MALRD1: variants seen among roughly 807,000 people sequenced by gnomAD.
MALRD1 encodes the protein MAM and LDL-receptor class A domain-containing protein 1.
MALRD1 carries 247 observed loss-of-function variants against 242.1 expected under a neutral mutation model. The observed-to-expected ratio is 1.02, with a 90% CI of 0.92 to 1.13. The LOEUF is 1.13. MALRD1 is among the 50% of genes most tolerant of loss of function. The pLI, the probability that MALRD1 is intolerant of heterozygous loss-of-function variation, is 0.00. For synonymous variants in MALRD1, 995 were observed against 866.6 expected (o/e 1.15, Z -2.60); for missense variants, 2,989 against 2,533.1 (o/e 1.18, Z -3.86).
intron 5 of MALRD1, among the ~76,000 whole-genome samples, chr10:19,122,317 T>C (rs1270518376): frequency 6.6e-6 from 1 of 152,156 alleles, no homozygotes; most frequent in Non-Finnish European, 1.5e-5. Context: ...CCACTTGAAA[T>C]GAAGACAAGG....
chr10:19,645,093 T>C (rs559798718), intron 36 of MALRD1, among the ~76,000 whole-genome samples: 1 of 152,342 alleles, frequency 6.6e-6, no homozygotes, highest in African/African-American at 2.4e-5. Flanking sequence ...TCATTATATC[T>C]TGTAAAATCT....
intron 29 of MALRD1, among the ~76,000 whole-genome samples, chr10:19,474,207 T>A (rs903670161): frequency 6.6e-6 from 1 of 152,182 alleles, no homozygotes; most frequent in Admixed American, 6.5e-5. Flanking sequence ...TTGTCAAGTT[T>A]TAAGCAGTCA....
At chr10:19,445,946 C>T (rs1221711362) in intron 28 of MALRD1, among the ~76,000 whole-genome samples, 1 of 152,206 alleles carries the variant, frequency 6.6e-6, no homozygotes, top group Non-Finnish European at 1.5e-5. Context: ...TGGGCTCCAC[C>T]CAGATTGAGC....
intron 31 of MALRD1, among the ~76,000 whole-genome samples, chr10:19,511,166 G>GA (rs1833385514): frequency 1.3e-5 from 2 of 152,164 alleles, no homozygotes; most frequent in Non-Finnish European, 2.9e-5. Flanking sequence ...TTTACAGCTA[G>GA]AAAAAATCTT....
At chr10:19,102,832 C>T (rs1836316803) in intron 4 of MALRD1, among the ~76,000 whole-genome samples, 1 of 148,218 alleles carries the variant, frequency 6.7e-6, no homozygotes, top group African/African-American at 2.5e-5. Context: ...GCTCCACATC[C>T]TAATGTCACG....
intron 38 of MALRD1, among the ~76,000 whole-genome samples, chr10:19,713,042 GA>G (rs201752709): frequency 0.052 from 5,389 of 104,124 alleles, 196 homozygotes; most frequent in African/African-American, 0.15. Context: ...AACCAGAAAT[GA>G]AGGGGGGGGT....
At chr10:19,207,900 C>T (rs1836857994) in intron 17 of MALRD1, among the ~76,000 whole-genome samples, 1 of 152,142 alleles carries the variant, frequency 6.6e-6, no homozygotes. Flanking sequence ...AACTCTTGCA[C>T]TTTGGTGCCA....
intron 32 of MALRD1, among the ~76,000 whole-genome samples, chr10:19,539,660 A>G (rs1795344087): frequency 6.6e-6 from 1 of 151,740 alleles, no homozygotes; most frequent in Non-Finnish European, 1.5e-5. Context: ...ATGCCACGCA[A>G]TCCTTTTGTT....
chr10:19,141,163 C>T (rs1003656545), intron 10 of MALRD1, among the ~76,000 whole-genome samples: 1 of 152,148 alleles, frequency 6.6e-6, no homozygotes. Flanking sequence ...ACATGCCAAA[C>T]ATGTCCAAAG....
At chr10:19,685,603 G>GATGGAAAAGT (rs1477740743) in intron 36 of MALRD1, among the ~76,000 whole-genome samples, 10 of 152,158 alleles carry the variant, frequency 6.6e-5, no homozygotes, top group Admixed American at 6.5e-4. Context: ...AACATGAACT[G>GATGGAAAAGT]ATGGAAAAGT....
At chr10:19,476,839 G>A (rs17200443) in intron 29 of MALRD1, among the ~76,000 whole-genome samples, 7,515 of 152,038 alleles carry the variant, frequency 0.049, 297 homozygotes, top group East Asian at 0.14. Flanking sequence ...TGAGTCTTTC[G>A]TGGAGGTATG....
intron 36 of MALRD1, among the ~76,000 whole-genome samples, chr10:19,684,292 A>G (rs1842487999): frequency 6.6e-6 from 1 of 152,214 alleles, no homozygotes; most frequent in Non-Finnish European, 1.5e-5. Flanking sequence ...TTGTAACATT[A>G]TCATATTATT....
intron 20 of MALRD1, among the ~76,000 whole-genome samples, chr10:19,282,277 C>G (rs1247261391): frequency 1.3e-5 from 2 of 152,164 alleles, no homozygotes; most frequent in African/African-American, 2.4e-5. Flanking sequence ...TTAAATGTTT[C>G]CTTTTCAGAT....
chr10:19,698,796 A>G (rs1274760682), intron 38 of MALRD1, among the ~76,000 whole-genome samples: 1 of 152,172 alleles, frequency 6.6e-6, no homozygotes, highest in Non-Finnish European at 1.5e-5. Flanking sequence ...TTGAAAGTAG[A>G]TGGCCACTGG....
chr10:19,192,401 G>T (rs767053691), intron 14 of MALRD1, among the ~76,000 whole-genome samples: 13 of 152,080 alleles, frequency 8.5e-5, no homozygotes, highest in Non-Finnish European at 1.8e-4. Context: ...ATAAGAAGAG[G>T]GCTTGATATA....
intron 36 of MALRD1, 86 bp from the exon 37 acceptor site, chr10:19,692,196 A>G (rs1833103670): frequency 9.8e-7 from 1 of 1,017,842 alleles, no homozygotes; most frequent in Non-Finnish European, 1.4e-6. Context: ...ATTTATTGAC[A>G]TTCATGATTT....
At chr10:19,376,505 AG>A (rs1845602607) in intron 26 of MALRD1, among the ~76,000 whole-genome samples, 1 of 148,428 alleles carries the variant, frequency 6.7e-6, no homozygotes, top group Admixed American at 6.8e-5. Flanking sequence ...CAAACAATGG[AG>A]GAAAAAATGT....
At chr10:19,326,161 A>G (rs1439762310) in intron 22 of MALRD1, among the ~76,000 whole-genome samples, 1 of 152,106 alleles carries the variant, frequency 6.6e-6, no homozygotes, top group East Asian at 1.9e-4. Flanking sequence ...TGACGTTAAA[A>G]CTTATTGTTG....
At chr10:19,150,348 G>T (rs1046434482) in intron 11 of MALRD1, among the ~76,000 whole-genome samples, 5 of 152,086 alleles carry the variant, frequency 3.3e-5, no homozygotes, top group African/African-American at 1.2e-4. Context: ...GACTCAGGTA[G>T]TTTTCTCCAA....
Sources: allele counts gnomAD v4.1 joint callset (sites outside exome capture counted in the v4.1 genomes callset), GRCh38; gene constraint gnomAD v4.1.1; transcripts MANE v1.5; gene names NCBI Gene and HGNC (gene_info 2026-07-23, HGNC 2026-07-21).